Variants in SYN3 observed in about 807,000 individuals in gnomAD.
The protein encoded by SYN3 is synapsin III, also known as synapsin-3.
In SYN3, 35 loss-of-function variants were observed where a neutral mutation model predicts 65.8. The observed-to-expected ratio is 0.53, with a 90% CI of 0.41 to 0.70. The LOEUF is 0.70. Ranked by LOEUF, SYN3 falls within the 30% of genes least tolerant of loss-of-function variation. The pLI is 0.00. For synonymous variants in SYN3, 270 were observed against 292.9 expected, an observed-to-expected ratio of 0.92 and a Z score of 0.80; for missense variants, 680 against 749.0, an observed-to-expected ratio of 0.91 and a Z score of 1.08.
chr22:32,549,282 C>G (rs1475726333), intron 7 of SYN3, among the ~76,000 whole-genome samples: 1 of 151,678 alleles, frequency 6.6e-6, no homozygotes, highest in Non-Finnish European at 1.5e-5. Flanking sequence ...GAGACAGAGT[C>G]TCCCTCTGTC....
chr22:32,742,870 G>A (rs1026980575), intron 6 of SYN3, among the ~76,000 whole-genome samples: 5 of 152,148 alleles, frequency 3.3e-5, no homozygotes, highest in African/African-American at 4.8e-5. Flanking sequence ...CAGCTCACAC[G>A]AATAGCTATA....
At chr22:32,847,459 C>T (rs2048098726) in intron 6 of SYN3, among the ~76,000 whole-genome samples, 1 of 152,166 alleles carries the variant, frequency 6.6e-6, no homozygotes, top group South Asian at 2.1e-4. Flanking sequence ...TGTGTTTTGC[C>T]ATCGCCGGCA....
Position 33,006,452 on chromosome 22 carries a change from G to C in SYN3, c.211C>G (p.Pro71Ala). The change falls in exon 2 of 14, where the codon CCT becomes GCT. Residue 71 changes from proline (P) to alanine (A), a missense_variant. By Grantham distance (27) the Pro-to-Ala change is conservative. Transcript: ENST00000358763. ...SSLSSAMKQA[P>A]QATSGLMEPP... Reference sequence around the variant, plus strand: ...TCCATCAGTCCTGAGGTGGCCTGAGGGGCCTGCTTCATGGCACTGGAGAGG... The same window carrying C: ...TCCATCAGTCCTGAGGTGGCCTGAGCGGCCTGCTTCATGGCACTGGAGAGG... 1 of 1,614,202 alleles carries C rather than the reference G, an allele frequency of 6.2e-7. No individual in the cohort carries two copies. Among genetic ancestry groups the C allele is most frequent in the Non-Finnish European group, 8.5e-7 (1 of 1,180,036 alleles).
At chr22:32,790,846 T>C (rs1251471535) in intron 6 of SYN3, among the ~76,000 whole-genome samples, 3 of 152,196 alleles carry the variant, frequency 2.0e-5, no homozygotes, top group Non-Finnish European at 4.4e-5. Flanking sequence ...TCTAGAACCT[T>C]GCTCTTCACC....
intron 13 of SYN3, among the ~76,000 whole-genome samples, chr22:32,515,246 G>GCC: frequency 6.6e-6 from 1 of 152,328 alleles, no homozygotes; most frequent in East Asian, 1.9e-4. Context: ...AAGGCCCAGA[G>GCC]CCCCTGTCTG....
intron 3 of SYN3, among the ~76,000 whole-genome samples, chr22:32,961,366 C>T (rs2051647149): frequency 6.6e-6 from 1 of 152,148 alleles, no homozygotes; most frequent in Non-Finnish European, 1.5e-5. Context: ...TCCAAGGATG[C>T]CCAACAGTTC....
At chr22:32,537,730 C>T (rs2058188733) in intron 9 of SYN3, among the ~76,000 whole-genome samples, 1 of 152,158 alleles carries the variant, frequency 6.6e-6, no homozygotes, top group Admixed American at 6.5e-5. Context: ...CTGGAAAGAC[C>T]TCGGACTTGG....
At chr22:32,815,606 T>C (rs2047068669) in intron 6 of SYN3, among the ~76,000 whole-genome samples, 1 of 152,234 alleles carries the variant, frequency 6.6e-6, no homozygotes, top group African/African-American at 2.4e-5. Flanking sequence ...TGTTGACAGC[T>C]ATTTTAAGAT....
At chr22:32,743,730 G>T (rs1019133097) in intron 6 of SYN3, among the ~76,000 whole-genome samples, 2 of 152,122 alleles carry the variant, frequency 1.3e-5, no homozygotes, top group African/African-American at 2.4e-5. Context: ...CGCCTGGGAG[G>T]TCAACATCTC....
chr22:32,893,745 C>T (rs899833070), intron 4 of SYN3, among the ~76,000 whole-genome samples: 1 of 151,938 alleles, frequency 6.6e-6, no homozygotes, highest in East Asian at 1.9e-4. Context: ...TGGAAAATAC[C>T]CACTCATCCT....
chr22:32,649,587 C>T (rs62234573), intron 6 of SYN3, among the ~76,000 whole-genome samples: 29,083 of 152,144 alleles, frequency 0.19, 3,304 homozygotes, highest in Non-Finnish European at 0.26. Flanking sequence ...TACTACACCA[C>T]GGAAGAATGG....
chr22:32,942,746 T>G (rs2050979394), intron 3 of SYN3, among the ~76,000 whole-genome samples: 1 of 152,160 alleles, frequency 6.6e-6, no homozygotes, highest in Non-Finnish European at 1.5e-5. Context: ...AGAGAAGTCC[T>G]TAAATGACCT....
intron 7 of SYN3, among the ~76,000 whole-genome samples, chr22:32,564,801 C>T (rs1006955555): frequency 6.7e-6 from 1 of 149,002 alleles, no homozygotes; most frequent in Non-Finnish European, 1.5e-5. Context: ...TGCACCCAAA[C>T]AGTGCTCCCG....
chr22:32,770,850 GCACATATGTGTTCAATTAA>G (rs59610797), intron 6 of SYN3, among the ~76,000 whole-genome samples: 4 of 149,190 alleles, frequency 2.7e-5, no homozygotes, highest in South Asian at 2.1e-4. Context: ...AGAGTGCCTG[GCACATATGTGTTCAATTAA>G]CACATATGTG....
At chr22:32,852,814 G>C (rs1468718506) in intron 6 of SYN3, among the ~76,000 whole-genome samples, 2 of 152,312 alleles carry the variant, frequency 1.3e-5, no homozygotes, top group South Asian at 4.1e-4. Flanking sequence ...AAATTAGCTG[G>C]GCTGTGGGGT....
At chr22:32,943,426 T>A (rs2051002400) in intron 3 of SYN3, among the ~76,000 whole-genome samples, 1 of 152,148 alleles carries the variant, frequency 6.6e-6, no homozygotes, top group African/African-American at 2.4e-5. Context: ...AGGCCTGCCC[T>A]ACAAGAGCTC....
chr22:32,627,999 T>G (rs2059693708), intron 6 of SYN3, among the ~76,000 whole-genome samples: 2 of 152,128 alleles, frequency 1.3e-5, no homozygotes, highest in Non-Finnish European at 1.5e-5. Context: ...CAGCTAATTT[T>G]TTGTATTTTT....
In SYN3 at chr22:32,630,140, T is replaced by C. The variant is rs1601797751; in HGVS notation, c.712-33404A>G. On this transcript the variant is annotated intron_variant, in intron 6 of 13. Coordinates refer to ENST00000358763, the MANE Select transcript of SYN3 (RefSeq NM_003490.4). ...CTGGGACTACCGGCGCCCACCACCATGCCCAGCTAATTTTTGTATTTTTAG... is the reference window on the plus strand; with the variant it reads ...CTGGGACTACCGGCGCCCACCACCACGCCCAGCTAATTTTTGTATTTTTAG... Among the ~76,000 whole-genome samples the C allele has an allele frequency of 2.0e-5, 3 of 152,064 alleles. No individual in the cohort carries two copies. The South Asian group carries it at 6.2e-4, about 32-fold the overall frequency.
chr22:32,962,338 G>A (rs1463393710), intron 3 of SYN3, among the ~76,000 whole-genome samples: 1 of 151,922 alleles, frequency 6.6e-6, no homozygotes, highest in Non-Finnish European at 1.5e-5. Flanking sequence ...GTTTCACTAT[G>A]TTGGCCAGGA....
Sources: allele counts gnomAD v4.1 joint callset (sites outside exome capture counted in the v4.1 genomes callset), GRCh38; gene constraint gnomAD v4.1.1; transcripts MANE v1.5; gene names NCBI Gene and HGNC (gene_info 2026-07-23, HGNC 2026-07-21).